GRIN1: variants seen among roughly 807,000 people sequenced by gnomAD.
GRIN1 encodes the protein glutamate receptor ionotropic, NMDA 1.
Under a neutral mutation model 103.0 loss-of-function variants are expected in GRIN1, and 38 were observed. That is an observed-to-expected ratio of 0.37 (90% CI 0.28 to 0.48). The LOEUF is 0.48. GRIN1 is among the 20% of genes least tolerant of loss of function. GRIN1 has a pLI of 0.98. For missense variants in GRIN1, 577 were observed against 1,288.9 expected, an observed-to-expected ratio of 0.45 and a Z score of 8.46; for synonymous variants, 544 against 532.7, an observed-to-expected ratio of 1.02 and a Z score of -0.29.
rs1833367315 is a variant in GRIN1 at position 137,158,665 on chromosome 9, A to G, written c.1158A>G (p.Thr386=). ...AGATCATCTGGCCAGGCGGAGAGAC[A>G]GAGAAGCCTCGAGGGTACCAGATGT... ...DRKIIWPGGE[T]EKPRGYQMST... The change falls in exon 8 of 20, where the codon ACA becomes ACG. Residue 386 remains threonine, a synonymous_variant. Coordinates refer to ENST00000371561, the MANE Select transcript of GRIN1 (RefSeq NM_007327.4). The G allele has an allele frequency of 6.2e-7, 1 of 1,612,934 alleles. No individual in the cohort carries two copies. Among genetic ancestry groups the G allele is most frequent in the Non-Finnish European group, 8.5e-7 (1 of 1,179,968 alleles).
intron 1 of GRIN1, among the ~76,000 whole-genome samples, chr9:137,140,732 C>G (rs750173413): frequency 3.9e-5 from 6 of 152,254 alleles, no homozygotes; most frequent in African/African-American, 1.2e-4. Context: ...ATGCACATAA[C>G]CATACCCTAG....
At position 137,156,828 on chromosome 9, in the gene GRIN1, G is replaced by A. The variant is rs528574979; in HGVS notation, c.794-35G>A. 3.1e-5 allele frequency: 50 copies of A among 1,605,984 alleles called. No individual in the cohort carries two copies. The Admixed American group carries it at 7.8e-4, about 25-fold the overall frequency. Reference sequence around the variant, plus strand: ...CCTTGGCGGGGTCCCCGAACGGGGAGGACCCCACGGGCTCTGAGTCGCATG... The same window carrying A: ...CCTTGGCGGGGTCCCCGAACGGGGAAGACCCCACGGGCTCTGAGTCGCATG... On this transcript the variant is annotated intron_variant, in intron 5 of 19. Transcript: ENST00000371561.
chr9:137,163,497 C>T, intron 16 of GRIN1, 62 bp from the exon 17 acceptor site: 2 of 1,359,008 alleles, frequency 1.5e-6, no homozygotes, highest in East Asian at 2.3e-5. Flanking sequence ...GCCCCGCCCC[C>T]AGCTTGCTCC....
intron 17 of GRIN1, 27 bp downstream of exon 17, chr9:137,163,695 G>A (rs764620872): frequency 1.2e-6 from 2 of 1,613,304 alleles, no homozygotes; most frequent in Non-Finnish European, 8.5e-7. Flanking sequence ...CCATTCTCGG[G>A]TGGGTTCTCC....
chr9:137,164,412 C>T (rs528129143), intron 18 of GRIN1: 1 of 224,904 alleles, frequency 4.4e-6, no homozygotes, highest in Non-Finnish European at 9.0e-6. Context: ...TTGCCACCAG[C>T]AAGGGCAGCC....
intron 2 of GRIN1, 78 bp from the exon 3 acceptor site, chr9:137,145,648 G>A (rs1451910154): frequency 2.5e-6 from 3 of 1,189,682 alleles, no homozygotes; most frequent in African/African-American, 4.2e-5. Context: ...TCCGGCGGGT[G>A]TTCCGGCAGT....
chr9:137,144,451 G>A (rs749165664), intron 2 of GRIN1, among the ~76,000 whole-genome samples: 41 of 151,842 alleles, frequency 2.7e-4, no homozygotes, highest in Non-Finnish European at 5.2e-4. Flanking sequence ...TCAGGAGATC[G>A]AGACCATCCT....
At chr9:137,142,312 TCA>T (rs1249334766) in intron 2 of GRIN1, among the ~76,000 whole-genome samples, 165 bp downstream of exon 2, 1 of 152,172 alleles carries the variant, frequency 6.6e-6, no homozygotes. Context: ...CGTGTCCAAC[TCA>T]CACATCTGCA....
At chr9:137,140,308 G>A (rs571528986) in intron 1 of GRIN1, among the ~76,000 whole-genome samples, 1 of 152,198 alleles carries the variant, frequency 6.6e-6, no homozygotes, top group Admixed American at 6.5e-5. Context: ...CAGCGCTGCG[G>A]GGGAGGACGT....
At chr9:137,141,861 A>T in intron 1 of GRIN1, 152 bp from the exon 2 acceptor site, 1 of 841,022 alleles carries the variant, frequency 1.2e-6, no homozygotes, top group Non-Finnish European at 2.0e-6. Flanking sequence ...GCATGTGTGC[A>T]TCTGGGCCTG....
chr9:137,149,233 C>T (rs1231205459), intron 4 of GRIN1, 124 bp downstream of exon 4: 4 of 732,752 alleles, frequency 5.5e-6, no homozygotes, highest in East Asian at 5.4e-5. Context: ...GCACCTTCAC[C>T]AAGGACAGCC....
At chr9:137,150,670 A>G (rs906052188) in intron 4 of GRIN1, among the ~76,000 whole-genome samples, 4 of 143,256 alleles carry the variant, frequency 2.8e-5, no homozygotes, top group Admixed American at 2.8e-4. Context: ...AGCTCCGCCC[A>G]GGGAAAGCCC....
In GRIN1 at chr9:137,142,047, C is replaced by G. The variant is rs745950020; in HGVS notation, c.293C>G (p.Pro98Arg). ...ATCCTAGTTAGCCATCCACCTACCCCCAACGACCACTTCACTCCCACCCCT... is the reference window on the plus strand; with the variant it reads ...ATCCTAGTTAGCCATCCACCTACCCGCAACGACCACTTCACTCCCACCCCT... ...YAILVSHPPTPNDHFTPTPVS... is the reference protein window; with the variant it reads ...YAILVSHPPTRNDHFTPTPVS... Residue 98 changes from proline to arginine, a missense_variant, in exon 2 of 20, where the codon CCC becomes CGC. Around this residue, in one of 9 missense-constraint regions of GRIN1, gnomAD observed 308 missense variants for 553.6 expected, o/e 0.56. Coordinates refer to ENST00000371561, the MANE Select transcript of GRIN1 (RefSeq NM_007327.4). 2 of 1,614,168 alleles carry G rather than the reference C, an allele frequency of 1.2e-6. No homozygotes were observed. The highest frequency in any genetic ancestry group is 1.7e-6 in the Non-Finnish European group (2 of 1,179,988).
intron 3 of GRIN1, among the ~76,000 whole-genome samples, chr9:137,148,775 G>A (rs982492866): frequency 6.6e-6 from 1 of 152,232 alleles, no homozygotes; most frequent in African/African-American, 2.4e-5. Context: ...AGCAGAGAGA[G>A]CACAGAACGA....
In GRIN1 at chr9:137,146,369, G is replaced by A. The variant is rs546114022; in HGVS notation, c.570+467G>A. On this transcript the variant is annotated intron_variant, in intron 3 of 19. Transcript: ENST00000371561. This position sits in a 1 kb window ranked among gnomAD's most constrained non-coding sequence, Gnocchi z 6.7. ...CTGGGCCCATTCCCTGTCCTCCCCC[G>A]CGTGGCCTCCCCTGAAGCTCTGCAC... Among the ~76,000 whole-genome samples, 2 of 143,920 alleles carry A rather than the reference G, an allele frequency of 1.4e-5. No individual in the cohort carries two copies. The highest frequency in any genetic ancestry group is 2.0e-4 in the East Asian group (1 of 4,958). The allele number at this position is 143,920 out of a possible 152,430, so 94.4% of individuals were successfully genotyped here.
intron 3 of GRIN1, among the ~76,000 whole-genome samples, chr9:137,147,353 GCTC>G (rs895503105): frequency 1.9e-4 from 29 of 152,120 alleles, no homozygotes; most frequent in East Asian, 5.8e-4. Context: ...GCTCAGGTGC[GCTC>G]CTCATGTGCA....
At chr9:137,148,311 G>A (rs1427732505) in intron 3 of GRIN1, 13 of 764,866 alleles carry the variant, frequency 1.7e-5, no homozygotes, top group East Asian at 2.7e-5. Context: ...CCGCCGAGCC[G>A]CAGGCCCAAG....
Position 137,168,020 on chromosome 9 carries a change from G to C in GRIN1, c.*493G>C. 1.5e-6 allele frequency: 1 copy of C among 676,174 alleles called. No homozygotes were observed. Among genetic ancestry groups the C allele is most frequent in the Non-Finnish European group, 2.6e-6 (1 of 380,708 alleles). The allele number at this position is 676,174 out of a possible 1,614,324, so 41.9% of individuals were successfully genotyped here. A position where few individuals can be genotyped will look rare whatever the true frequency, so the allele number is the denominator to read the frequency against. On this transcript the variant is annotated 3_prime_UTR_variant, in exon 20 of 20. Coordinates refer to ENST00000371561, the MANE Select transcript of GRIN1 (RefSeq NM_007327.4). ...GCAGCCCCTGCTGGACCAAGGTGCGGACCGGAGCGGCTGAGGACGGGGCAG... is the reference window on the plus strand; with the variant it reads ...GCAGCCCCTGCTGGACCAAGGTGCGCACCGGAGCGGCTGAGGACGGGGCAG...
rs150405897 is a variant in GRIN1 at position 137,149,071 on chromosome 9, G to A, written c.633G>A (p.Ala211=). ...ACGTGACGGCCCTGCTGATGGAGGC[G>A]AAAGAGCTGGAGGCCCGGGTCATCA... ...TKNVTALLME[A]KELEARVIIL... The change falls in exon 4 of 20, where the codon GCG becomes GCA. Residue 211 remains alanine (A), a synonymous_variant. Coordinates refer to ENST00000371561, the MANE Select transcript of GRIN1 (RefSeq NM_007327.4). 2.5e-4 allele frequency: 396 copies of A among 1,613,148 alleles called. 1 individual carries two copies. Among genetic ancestry groups the A allele is most frequent in the South Asian group, 5.5e-4 (50 of 90,882 alleles).
Sources: gnomAD v4.1 joint callset for allele counts (sites outside exome capture counted in the v4.1 genomes callset) on GRCh38, gnomAD v4.1.1 for gene constraint, gnomAD v4.1.1 regional missense constraint, Gnocchi (gnomAD v3.1) non-coding constraint, MANE v1.5 for transcripts, NCBI Gene and HGNC (gene_info 2026-07-23, HGNC 2026-07-21) for gene names.